Variants in STON2 observed in about 807,000 individuals in gnomAD.
STON2 encodes the protein stonin 2, also known as stonin-2.
In STON2, 29 loss-of-function variants were observed where a neutral mutation model predicts 65.7. The observed-to-expected ratio is 0.44, with a 90% CI of 0.33 to 0.60. The LOEUF is 0.60. STON2 is among the 20% of genes least tolerant of loss of function. The probability of loss-of-function intolerance (pLI) is 0.03; values close to 1 mark genes in which losing one functional copy is unlikely to be tolerated. For missense variants in STON2, 1,054 were observed against 1,118.1 expected, an observed-to-expected ratio of 0.94 and a Z score of 0.82; for synonymous variants, 404 against 414.2, an observed-to-expected ratio of 0.98 and a Z score of 0.30.
Position 81,265,411 on chromosome 14 carries a change from T to C in STON2, c.*3003A>G, listed in dbSNP as rs1894317568. ...GGCTCACGCCTGTAATCCCAGAGCT[T>C]TGGGAGACTGAGGCAGGCTTATCAC... On this transcript the variant is annotated 3_prime_UTR_variant, in exon 8 of 8. Transcript: ENST00000614646. 2 of 913,418 alleles carry C rather than the reference T, an allele frequency of 2.2e-6. No homozygotes were observed. Among genetic ancestry groups the C allele is most frequent in the Non-Finnish European group, 2.6e-6 (2 of 764,746 alleles). 56.6% of individuals were successfully genotyped at this position (913,418 alleles called of 1,614,324 possible).
chr14:81,359,496 G>A (rs993706326), intron 4 of STON2, among the ~76,000 whole-genome samples: 1 of 151,962 alleles, frequency 6.6e-6, no homozygotes, highest in African/African-American at 2.4e-5. Flanking sequence ...AACAAACTAA[G>A]CCCAATGTCA....
intron 5 of STON2, among the ~76,000 whole-genome samples, chr14:81,304,957 C>A (rs202239452): frequency 1.3e-5 from 2 of 152,108 alleles, no homozygotes; most frequent in Non-Finnish European, 2.9e-5. Context: ...CTTTGTACCC[C>A]CTTCCTATCA....
upstream of STON2, among the ~76,000 whole-genome samples, chr14:81,404,079 C>T (rs1900731664): frequency 6.6e-6 from 1 of 152,172 alleles, no homozygotes; most frequent in Non-Finnish European, 1.5e-5. Flanking sequence ...CCTTAACATA[C>T]AGTAGGTAGC....
At chr14:81,359,224 A>G (rs980735651) in intron 4 of STON2, among the ~76,000 whole-genome samples, 1 of 152,232 alleles carries the variant, frequency 6.6e-6, no homozygotes, top group African/African-American at 2.4e-5. Context: ...ATGGAAATCA[A>G]TCACATGGAG....
chr14:81,356,444 A>C (rs1269842014), intron 4 of STON2, among the ~76,000 whole-genome samples: 7 of 152,156 alleles, frequency 4.6e-5, no homozygotes, highest in Admixed American at 1.3e-4. Flanking sequence ...ATCAATGTTC[A>C]TCAAGGATAT....
At chr14:81,420,927 C>T (rs1207707406) in intron 2 of STON2, among the ~76,000 whole-genome samples, 4 of 152,212 alleles carry the variant, frequency 2.6e-5, no homozygotes, top group African/African-American at 7.2e-5. Context: ...CACACCTGAA[C>T]ATCACCCATC....
chr14:81,304,828 A>T (rs1195195664), intron 5 of STON2, among the ~76,000 whole-genome samples: 1 of 152,212 alleles, frequency 6.6e-6, no homozygotes, highest in Non-Finnish European at 1.5e-5. Context: ...CAAACTTTTT[A>T]AAAAGTATAA....
chr14:81,320,145 C>T (rs1242073629), intron 5 of STON2, among the ~76,000 whole-genome samples: 1 of 152,006 alleles, frequency 6.6e-6, no homozygotes, highest in Non-Finnish European at 1.5e-5. Context: ...GTGATGGGGT[C>T]TCTGGGCCAC....
intron 2 of STON2, among the ~76,000 whole-genome samples, chr14:81,421,432 G>A (rs1001384777): frequency 3.3e-5 from 5 of 152,156 alleles, no homozygotes; most frequent in African/African-American, 9.7e-5. Context: ...GAAATAACAT[G>A]ACCCAATTTG....
chr14:81,277,033 C>T lies in STON2; in HGVS notation c.2449G>A (p.Gly817Arg). The change falls in exon 6 of 8, where the codon GGG becomes AGG. Residue 817 changes from glycine to arginine, a missense_variant. Coordinates refer to ENST00000614646, the MANE Select transcript of STON2 (RefSeq NM_001394390.1). ...EKSLKAKVNR[G>R]ASFGSTSVSG... Reference sequence around the variant, plus strand: ...ACACTAGTGGAGCCAAAACTTGCCCCCCGGTTCACTTTGGCTTTCAAAGAC... The same window carrying T: ...ACACTAGTGGAGCCAAAACTTGCCCTCCGGTTCACTTTGGCTTTCAAAGAC... The T allele has an allele frequency of 6.2e-7, 1 of 1,614,226 alleles. No homozygotes were observed. Among genetic ancestry groups the T allele is most frequent in the Non-Finnish European group, 8.5e-7 (1 of 1,180,044 alleles).
intron 5 of STON2, among the ~76,000 whole-genome samples, chr14:81,306,100 CTCCT>C (rs1357319723): frequency 6.7e-6 from 1 of 150,206 alleles, no homozygotes; most frequent in East Asian, 2.0e-4. Context: ...GCAATACACT[CTCCT>C]TTTTAATTTT....
intron 5 of STON2, among the ~76,000 whole-genome samples, chr14:81,308,796 A>ATATATGTGTGTGTG (rs1896289147): frequency 1.1e-4 from 2 of 17,888 alleles, no homozygotes; most frequent in African/African-American, 5.1e-4. Flanking sequence ...ATATATATAT[A>ATATATGTGTGTGTG]TATATATATA....
chr14:81,268,655 C>G (rs1894452812), intron 7 of STON2, 158 bp from the exon 8 acceptor site: 1 of 984,802 alleles, frequency 1.0e-6, no homozygotes, highest in Non-Finnish European at 1.2e-6. Flanking sequence ...CTGAGTATAT[C>G]ATGTCTCTCT....
At chr14:81,296,396 T>G (rs1895762096) in intron 5 of STON2, among the ~76,000 whole-genome samples, 1 of 152,182 alleles carries the variant, frequency 6.6e-6, no homozygotes, top group South Asian at 2.1e-4. Context: ...GGATCAAGAC[T>G]TCTATTTTCA....
intron 2 of STON2, chr14:81,413,035 G>A: frequency 1.0e-6 from 1 of 999,062 alleles, no homozygotes; most frequent in Non-Finnish European, 1.5e-6. Context: ...AGAACTCGGT[G>A]GAGTGCGCTC....
intron 3 of STON2, among the ~76,000 whole-genome samples, chr14:81,373,691 G>A (rs1566932679): frequency 6.6e-6 from 1 of 152,148 alleles, no homozygotes; most frequent in East Asian, 1.9e-4. Flanking sequence ...AAGAACCTAG[G>A]GCCAACCGAA....
At chr14:81,403,109 T>A (rs886220819), upstream of STON2, among the ~76,000 whole-genome samples, 2 of 152,222 alleles carry the variant, frequency 1.3e-5, no homozygotes, top group Non-Finnish European at 2.9e-5. Context: ...GAATCCTATA[T>A]TCCTGATGAA....
At chr14:81,377,535 T>C (rs1303252753) in intron 3 of STON2, among the ~76,000 whole-genome samples, 2 of 152,162 alleles carry the variant, frequency 1.3e-5, no homozygotes, top group African/African-American at 4.8e-5. Flanking sequence ...AGTCCAAGAG[T>C]GCAATTGCTG....
Position 81,277,083 on chromosome 14 carries a change from C to A in STON2, c.2399G>T (p.Arg800Leu), listed in dbSNP as rs142999725. The change falls in exon 6 of 8, where the codon CGC becomes CTC. Residue 800 changes from arginine (R) to leucine (L), a missense_variant. Coordinates refer to ENST00000614646, the MANE Select transcript of STON2 (RefSeq NM_001394390.1). Reference protein sequence around the residue: ...PVPSEWVKNFRRESVLGEKSL... With the variant: ...PVPSEWVKNFLRESVLGEKSL... ...CTTTTCCCCCAGGACACTTTCCCTG[C>A]GGAAGTTTTTCACCCACTCACTGGG... is the stretch of plus-strand genomic sequence containing the variant. 23 of 1,614,060 alleles carry A rather than the reference C, an allele frequency of 1.4e-5. No individual in the cohort carries two copies. The South Asian group carries it at 1.8e-4, about 12-fold the overall frequency.
Sources: allele counts gnomAD v4.1 joint callset (sites outside exome capture counted in the v4.1 genomes callset), GRCh38; gene constraint gnomAD v4.1.1; transcripts MANE v1.5; gene names NCBI Gene and HGNC (gene_info 2026-07-23, HGNC 2026-07-21).